Variants in GNAL observed in about 807,000 individuals in gnomAD.
GNAL encodes the protein guanine nucleotide-binding protein G(olf) subunit alpha.
Under a neutral mutation model 55.1 loss-of-function variants are expected in GNAL, and 18 were observed. The ratio of observed to expected loss-of-function variants is 0.33; its 90% CI spans 0.23 to 0.48. GNAL has a LOEUF of 0.48. GNAL is among the 20% of genes least tolerant of loss of function. GNAL has a pLI of 0.99. For synonymous variants in GNAL, 253 were observed against 237.0 expected (o/e 1.07, Z -0.62); for missense variants, 412 against 614.1 (o/e 0.67, Z 3.48).
In GNAL at chr18:11,819,049, C is replaced by A. The variant is rs1239423137; in HGVS notation, c.625-5869C>A. On this transcript the variant is annotated intron_variant, in intron 4 of 11. Coordinates refer to ENST00000334049, the MANE Select transcript of GNAL (RefSeq NM_182978.4). ...CCCACAGCCGCCAGACAGACGGCAC[C>A]ACACTCACGTCAAGTGATGGGAAAT... 3.3e-5 allele frequency among the ~76,000 whole-genome samples: 5 copies of A among 152,190 alleles called. No homozygotes were observed. In the East Asian group the frequency reaches 9.6e-4, roughly 29 times the overall value.
intron 4 of GNAL, among the ~76,000 whole-genome samples, chr18:11,758,083 G>GT (rs1210110378): frequency 7.2e-5 from 11 of 152,170 alleles, no homozygotes; most frequent in Non-Finnish European, 1.6e-4. Context: ...GAATCACTTG[G>GT]TAAAGCAGGA....
intron 4 of GNAL, among the ~76,000 whole-genome samples, chr18:11,755,855 G>C (rs537097884): frequency 2.0e-5 from 3 of 152,104 alleles, no homozygotes; most frequent in Admixed American, 6.6e-5. Context: ...ATGTCCTCCC[G>C]GTTCTCACTG....
At chr18:11,719,972 A>G (rs2032057582) in intron 1 of GNAL, among the ~76,000 whole-genome samples, 2 of 152,238 alleles carry the variant, frequency 1.3e-5, no homozygotes, top group Admixed American at 1.3e-4. Context: ...GTTTTGGCTT[A>G]TGTTCCACAG....
At chr18:11,801,601 C>G (rs1430510864) in intron 4 of GNAL, among the ~76,000 whole-genome samples, 1 of 152,136 alleles carries the variant, frequency 6.6e-6, no homozygotes, top group Non-Finnish European at 1.5e-5. Context: ...GCCACTGTTT[C>G]AGAAGATGCC....
chr18:11,875,824 A>C (rs146013620), intron 10 of GNAL, among the ~76,000 whole-genome samples: 8 of 152,364 alleles, frequency 5.3e-5, no homozygotes, highest in African/African-American at 1.9e-4. Flanking sequence ...TGAACAACAG[A>C]AATGTATTAG....
At position 11,851,997 on chromosome 18, in the gene GNAL, C is replaced by T. The variant is rs183012548; in HGVS notation, c.723-10398C>T. 1.1e-5 allele frequency: 18 copies of T among 1,613,602 alleles called. No homozygotes were observed. The Admixed American group carries it at 1.3e-4, about 12-fold the overall frequency. ...AGGAAATGGCAGATGAGGCGGGCCTCGACCTCAACATGGAGCTGCCGCAGG... is the reference window on the plus strand; with the variant it reads ...AGGAAATGGCAGATGAGGCGGGCCTTGACCTCAACATGGAGCTGCCGCAGG... On this transcript the variant is annotated intron_variant, in intron 5 of 11. Transcript: ENST00000334049.
At chr18:11,725,355 G>T (rs572353671) in intron 1 of GNAL, among the ~76,000 whole-genome samples, 1 of 152,168 alleles carries the variant, frequency 6.6e-6, no homozygotes, top group East Asian at 1.9e-4. Context: ...GACGCCATCC[G>T]CAAGCCAGGG....
chr18:11,857,357 GA>G (rs993893103), intron 5 of GNAL: 64 of 356,872 alleles, frequency 1.8e-4, no homozygotes, highest in Non-Finnish European at 2.3e-4. Context: ...TTCAAAGGGG[GA>G]AAAAAAGCAG....
chr18:11,770,669 C>G (rs1042839664), intron 4 of GNAL, among the ~76,000 whole-genome samples: 5 of 151,738 alleles, frequency 3.3e-5, no homozygotes, highest in Non-Finnish European at 7.4e-5. Flanking sequence ...TAAAGAATAC[C>G]TTTTAAATTA....
intron 4 of GNAL, among the ~76,000 whole-genome samples, chr18:11,772,287 A>G (rs2033659115): frequency 6.6e-6 from 1 of 152,228 alleles, no homozygotes; most frequent in South Asian, 2.1e-4. Context: ...AAATTGTCCT[A>G]GTTGATTTTA....
At chr18:11,812,310 C>T (rs1386324805) in intron 4 of GNAL, among the ~76,000 whole-genome samples, 1 of 152,106 alleles carries the variant, frequency 6.6e-6, no homozygotes, top group East Asian at 1.9e-4. Flanking sequence ...TGAGTAAAAG[C>T]AGTAGAAATC....
chr18:11,879,155 G>A (rs1272389402), intron 11 of GNAL, among the ~76,000 whole-genome samples: 1 of 150,390 alleles, frequency 6.6e-6, no homozygotes, highest in Non-Finnish European at 1.5e-5. Flanking sequence ...TCATTTTAGT[G>A]TCCATAAGTT....
rs2036731934 is a variant in GNAL at position 11,882,696 on chromosome 18, A to C, written c.*1561A>C. 1 of 151,910 alleles carries C rather than the reference A, an allele frequency of 6.6e-6. No homozygotes were observed. Among genetic ancestry groups the C allele is most frequent in the South Asian group, 2.1e-4 (1 of 4,822 alleles). The allele number at this position is 151,910 out of a possible 1,614,324, so 9.4% of individuals were successfully genotyped here. ...GTGAGACTCAGGCCAAAAAAAAAAAAAAAAAAAACCTTGACGTGTCAATGT... is the reference window on the plus strand; with the variant it reads ...GTGAGACTCAGGCCAAAAAAAAAAACAAAAAAAACCTTGACGTGTCAATGT... On this transcript the variant is annotated 3_prime_UTR_variant, in exon 12 of 12. Transcript: ENST00000334049.
intron 4 of GNAL, among the ~76,000 whole-genome samples, chr18:11,770,826 T>A (rs2033610238): frequency 1.3e-5 from 2 of 152,200 alleles, no homozygotes; most frequent in Non-Finnish European, 2.9e-5. Context: ...TTAAGTTTTT[T>A]AAAAATAGTT....
chr18:11,787,725 T>C (rs1029292421), intron 4 of GNAL, among the ~76,000 whole-genome samples: 2 of 152,020 alleles, frequency 1.3e-5, no homozygotes, highest in Non-Finnish European at 2.9e-5. Flanking sequence ...ATACAAAAAA[T>C]TAGCCAGGCA....
chr18:11,752,235 C>A lies in GNAL; in HGVS notation c.377-618C>A. The A allele has an allele frequency of 9.0e-7, 1 of 1,109,170 alleles. No individual in the cohort carries two copies. The highest frequency in any genetic ancestry group is 1.2e-6 in the Non-Finnish European group (1 of 831,678). The allele number at this position is 1,109,170 out of a possible 1,614,324, so 68.7% of individuals were successfully genotyped here. A position where few individuals can be genotyped will look rare whatever the true frequency, so the allele number is the denominator to read the frequency against. ...TTACTCCGCGCGTCTTCCTTACAGC[C>A]ATTTAGTTGGGAGTTTGCGGTGGGC... On this transcript the variant is annotated intron_variant, in intron 1 of 11. Coordinates refer to ENST00000334049, the MANE Select transcript of GNAL (RefSeq NM_182978.4). This position sits in a 1 kb window ranked among gnomAD's most constrained non-coding sequence, Gnocchi z 4.5.
intron 5 of GNAL, among the ~76,000 whole-genome samples, chr18:11,842,211 C>A (rs2035632575): frequency 6.6e-6 from 1 of 151,944 alleles, no homozygotes; most frequent in African/African-American, 2.4e-5. Context: ...GAATTCCCGA[C>A]CTCAGGTGAT....
At chr18:11,846,565 A>G (rs2035745816) in intron 5 of GNAL, among the ~76,000 whole-genome samples, 1 of 151,684 alleles carries the variant, frequency 6.6e-6, no homozygotes. Context: ...ACTCCTGGAC[A>G]CAGAGATCCT....
chr18:11,795,507 A>G (rs1274197549), intron 4 of GNAL, among the ~76,000 whole-genome samples: 2 of 152,194 alleles, frequency 1.3e-5, no homozygotes, highest in Non-Finnish European at 2.9e-5. Context: ...ATTTATAAAT[A>G]TTGCAGTGTC....
Sources: allele counts gnomAD v4.1 joint callset (sites outside exome capture counted in the v4.1 genomes callset), GRCh38; gene constraint gnomAD v4.1.1; non-coding constraint Gnocchi (gnomAD v3.1); transcripts MANE v1.5; gene names NCBI Gene and HGNC (gene_info 2026-07-23, HGNC 2026-07-21).